The following LY86 variants were observed in gnomAD, a reference collection of about 807,000 sequenced individuals.
LY86 encodes MD-1, RP105-associated.
A neutral mutation model predicts 17.3 loss-of-function variants in LY86; 20 were observed. That is an observed-to-expected ratio of 1.15 (90% CI 0.81 to 1.68). The LOEUF (loss-of-function observed/expected upper bound fraction) is 1.68, where lower values mean the gene tolerates loss of function less well. LY86 is among the 40% of genes most tolerant of loss of function. The probability of loss-of-function intolerance (pLI) is 0.00; values close to 1 mark genes in which losing one functional copy is unlikely to be tolerated. For missense variants in LY86, 200 were observed against 191.9 expected (o/e 1.04, Z -0.25); for synonymous variants, 74 against 70.6 (o/e 1.05, Z -0.24).
chr6:6,602,758 C>T (rs537529559), intron 1 of LY86, among the ~76,000 whole-genome samples: 178 of 152,262 alleles, frequency 1.2e-3, no homozygotes, highest in African/African-American at 4.0e-3. Context: ...TCAACTCCCA[C>T]CTGTTATTTG....
chr6:6,635,966 G>T, intron 3 of LY86, among the ~76,000 whole-genome samples: 1 of 152,328 alleles, frequency 6.6e-6, no homozygotes, highest in Middle Eastern at 3.4e-3. Flanking sequence ...CAGTGCTGCC[G>T]CTGGAGAGCA....
chr6:6,592,151 G>A (rs562789665), intron 1 of LY86, among the ~76,000 whole-genome samples: 10 of 152,186 alleles, frequency 6.6e-5, no homozygotes, highest in Non-Finnish European at 8.8e-5. Context: ...CATCATTTCC[G>A]CAGTCTTGAT....
At chr6:6,605,717 G>A (rs759087520) in intron 1 of LY86, among the ~76,000 whole-genome samples, 6 of 152,212 alleles carry the variant, frequency 3.9e-5, no homozygotes, top group Non-Finnish European at 7.3e-5. Context: ...GGAACCTCGC[G>A]GTGAGTGTTA....
intron 1 of LY86, among the ~76,000 whole-genome samples, chr6:6,610,756 G>A (rs529858491): frequency 6.6e-6 from 1 of 152,274 alleles, no homozygotes; most frequent in East Asian, 1.9e-4. Flanking sequence ...TGGTTTTGAT[G>A]TCACACTATG....
intron 1 of LY86, among the ~76,000 whole-genome samples, chr6:6,604,919 A>G (rs1761050312): frequency 6.6e-6 from 1 of 152,232 alleles, no homozygotes; most frequent in African/African-American, 2.4e-5. Context: ...CAATACTCTC[A>G]TAGAAAAGAG....
intron 1 of LY86, among the ~76,000 whole-genome samples, chr6:6,607,051 A>G (rs1016148540): frequency 6.6e-6 from 1 of 152,248 alleles, no homozygotes; most frequent in Non-Finnish European, 1.5e-5. Context: ...GGACGTGAAC[A>G]CTAGGAGGGG....
In LY86 at chr6:6,625,108, A is replaced by G. The variant is rs919651365; in HGVS notation, c.223+96A>G. 11 of 580,518 alleles carry G rather than the reference A, an allele frequency of 1.9e-5. No homozygotes were observed. In the African/African-American group the frequency reaches 2.1e-4, roughly 11 times the overall value. 36.0% of individuals were successfully genotyped at this position (580,518 alleles called of 1,614,324 possible). A position where few individuals can be genotyped will look rare whatever the true frequency, so the allele number is the denominator to read the frequency against. On this transcript the variant is annotated intron_variant, in intron 2 of 4. Transcript: ENST00000230568. ...CTTATGTTAACTGTAATGACTGGCTAAACTACTGTTCCCTCACCACTCTCT... is the reference window on the plus strand; with the variant it reads ...CTTATGTTAACTGTAATGACTGGCTGAACTACTGTTCCCTCACCACTCTCT...
intron 1 of LY86, among the ~76,000 whole-genome samples, chr6:6,593,428 T>G (rs1760593930): frequency 6.6e-6 from 1 of 152,200 alleles, no homozygotes; most frequent in Non-Finnish European, 1.5e-5. Flanking sequence ...TAAGATAAGA[T>G]TCACATGTTC....
chr6:6,605,959 G>A (rs80209004), intron 1 of LY86, among the ~76,000 whole-genome samples: 503 of 152,034 alleles, frequency 3.3e-3, no homozygotes, highest in Non-Finnish European at 5.4e-3. Context: ...CATAAAAGAA[G>A]CGTGGACCCA....
At chr6:6,638,694 C>T (rs924035472) in intron 3 of LY86, among the ~76,000 whole-genome samples, 3 of 151,974 alleles carry the variant, frequency 2.0e-5, no homozygotes, top group Non-Finnish European at 2.9e-5. Flanking sequence ...TTTTAGGGTA[C>T]ATGTGCACAA....
chr6:6,604,806 A>T (rs1389263028), intron 1 of LY86, among the ~76,000 whole-genome samples: 1 of 149,976 alleles, frequency 6.7e-6, no homozygotes, highest in Non-Finnish European at 1.5e-5. Context: ...TCACAATTAG[A>T]CCAACCAGGA....
chr6:6,603,603 C>CAACAAAAAAAAAAAAAA (rs1207511602), intron 1 of LY86, among the ~76,000 whole-genome samples: 3 of 70,458 alleles, frequency 4.3e-5, no homozygotes, highest in Non-Finnish European at 9.6e-5. Flanking sequence ...AAAACAGAAA[C>CAACAAAAAAAAAAAAAA]AGAAAAAAAA....
chr6:6,592,793 G>A (rs1200842628), intron 1 of LY86, among the ~76,000 whole-genome samples: 3 of 152,132 alleles, frequency 2.0e-5, no homozygotes, highest in South Asian at 4.1e-4. Flanking sequence ...GCTGGCTCCC[G>A]GATCTCAGAT....
intron 1 of LY86, among the ~76,000 whole-genome samples, chr6:6,596,639 A>G (rs971276401): frequency 6.6e-6 from 1 of 152,186 alleles, no homozygotes; most frequent in East Asian, 1.9e-4. Context: ...TTTGGCCCAA[A>G]TTTAAAGAGA....
chr6:6,636,857 C>T (rs1308884843), intron 3 of LY86, among the ~76,000 whole-genome samples: 4 of 148,574 alleles, frequency 2.7e-5, no homozygotes, highest in African/African-American at 9.9e-5. Context: ...CAATGGTTTA[C>T]TTATTGCATT....
At chr6:6,650,410 C>G (rs1307579776) in intron 4 of LY86, among the ~76,000 whole-genome samples, 1 of 151,078 alleles carries the variant, frequency 6.6e-6, no homozygotes, top group Non-Finnish European at 1.5e-5. Flanking sequence ...TCTCAGCTCA[C>G]TGCAACCTCT....
chr6:6,599,442 G>A (rs955621210), intron 1 of LY86, among the ~76,000 whole-genome samples: 3 of 152,342 alleles, frequency 2.0e-5, no homozygotes, highest in Non-Finnish European at 4.4e-5. Flanking sequence ...TCAGTTCTTA[G>A]TGGCTAGGGA....
intron 3 of LY86, among the ~76,000 whole-genome samples, chr6:6,631,952 T>A (rs1182202518): frequency 1.3e-5 from 2 of 152,238 alleles, no homozygotes; most frequent in Non-Finnish European, 1.5e-5. Context: ...TTCTTTTGAC[T>A]GATCAGTCCT....
intron 1 of LY86, among the ~76,000 whole-genome samples, chr6:6,613,554 C>T (rs150931070): frequency 0.031 from 4,779 of 152,236 alleles, 150 homozygotes; most frequent in African/African-American, 0.073. Context: ...CGGGGCCCGC[C>T]GATCCCACGC....
Sources: gnomAD v4.1 joint callset for allele counts (sites outside exome capture counted in the v4.1 genomes callset) on GRCh38, gnomAD v4.1.1 for gene constraint, MANE v1.5 for transcripts, NCBI Gene and HGNC (gene_info 2026-07-23, HGNC 2026-07-21) for gene names.